Variants in WWC2 observed in about 807,000 individuals in gnomAD.
WWC2 encodes the protein WW and C2 domain containing 2.
A neutral mutation model predicts 138.5 loss-of-function variants in WWC2; 101 were observed. The ratio of observed to expected loss-of-function variants is 0.73; its 90% confidence interval spans 0.62 to 0.86. The LOEUF is 0.86. Among genes scored for constraint, WWC2 ranks in the 40% least tolerant of loss-of-function variants. WWC2 has a pLI of 0.00. For synonymous variants in WWC2, 558 were observed against 538.4 expected (o/e 1.04, Z -0.50); for missense variants, 1,420 against 1,419.4 (o/e 1.00, Z -0.01).
chr4:183,229,665 A>T (rs973989775), intron 4 of WWC2, among the ~76,000 whole-genome samples: 14 of 152,000 alleles, frequency 9.2e-5, no homozygotes, highest in African/African-American at 3.4e-4. Context: ...TAATTATGAG[A>T]GAGTATCAGG....
At chr4:183,142,820 T>C (rs1733341014) in intron 1 of WWC2, among the ~76,000 whole-genome samples, 1 of 152,210 alleles carries the variant, frequency 6.6e-6, no homozygotes, top group Admixed American at 6.5e-5. Flanking sequence ...CATTAGGGTG[T>C]GGGCTGGGTG....
At chr4:183,233,127 ATTTTTTTTTTCTTTTTAAACCTT>A (rs1260812795) in intron 4 of WWC2, among the ~76,000 whole-genome samples, 1 of 40,054 alleles carries the variant, frequency 2.5e-5, no homozygotes, top group African/African-American at 8.4e-5. Context: ...TTTACTGTGT[ATTTTTTTTTTCTTTTTAAACCTT>A]TTTTTTTTTT....
At chr4:183,271,390 A>G (rs984435608) in intron 16 of WWC2, 149 bp downstream of exon 16, 11 of 633,128 alleles carry the variant, frequency 1.7e-5, no homozygotes, top group African/African-American at 9.6e-5. Flanking sequence ...CACAACTTTG[A>G]TTTTCCCAGC....
intron 20 of WWC2, among the ~76,000 whole-genome samples, chr4:183,288,468 C>G (rs1331261329): frequency 6.6e-6 from 1 of 152,202 alleles, no homozygotes; most frequent in Non-Finnish European, 1.5e-5. Context: ...TCTCACCTCT[C>G]ACCCAGCCTT....
Position 183,099,545 on chromosome 4 carries a change from G to C in WWC2, c.54G>C (p.Glu18Asp). 1.4e-6 allele frequency: 2 copies of C among 1,421,102 alleles called. No individual in the cohort carries two copies. Among genetic ancestry groups the C allele is most frequent in the Non-Finnish European group, 1.9e-6 (2 of 1,071,366 alleles). 88.0% of individuals were successfully genotyped at this position (1,421,102 alleles called of 1,614,324 possible). Residue 18 changes from glutamate (E) to aspartate (D), a missense_variant, in exon 1 of 23, where the codon GAG (glutamate) becomes GAC (aspartate). By Grantham distance (45) the Glu-to-Asp change is conservative. Coordinates refer to ENST00000403733, the MANE Select transcript of WWC2 (RefSeq NM_024949.6). ...GQLPLPRGWE[E>D]ARDYDGKVFY... ...TGCCGCTGCCCCGGGGCTGGGAGGA[G>C]GCCAGGGACTACGACGGCAAGGTCT... is the stretch of plus-strand genomic sequence containing the variant.
At chr4:183,100,588 C>T (rs1393006106) in intron 1 of WWC2, among the ~76,000 whole-genome samples, 2 of 152,144 alleles carry the variant, frequency 1.3e-5, no homozygotes, top group Non-Finnish European at 1.5e-5. Context: ...AAAATTATAA[C>T]TTTATTGAAT....
intron 2 of WWC2, among the ~76,000 whole-genome samples, chr4:183,205,866 T>C (rs1735432508): frequency 6.6e-6 from 1 of 152,186 alleles, no homozygotes; most frequent in Admixed American, 6.5e-5. Context: ...TATCTGCCTA[T>C]AGCGTCCCAG....
At position 183,259,613 on chromosome 4, in the gene WWC2, T is replaced by G. The variant is rs369871830; in HGVS notation, c.1197-26T>G. 8 of 1,440,884 alleles carry G rather than the reference T, an allele frequency of 5.6e-6. No homozygotes were observed. In the African/African-American group the frequency reaches 1.2e-4, roughly 21 times the overall value. 89.3% of individuals were successfully genotyped at this position (1,440,884 alleles called of 1,614,324 possible). On this transcript the variant is annotated intron_variant, in intron 9 of 22. Coordinates refer to ENST00000403733, the MANE Select transcript of WWC2 (RefSeq NM_024949.6). Reference sequence around the variant, plus strand: ...AGTTTTCATATTTTGTTATAATCATTTGAAAATAATTTTTTTTCTTCCTAG... The same window carrying G: ...AGTTTTCATATTTTGTTATAATCATGTGAAAATAATTTTTTTTCTTCCTAG...
At position 183,269,040 on chromosome 4, in the gene WWC2, G is replaced by A. The variant is rs576233774; in HGVS notation, c.2277G>A (p.Pro759=). Reference sequence around the variant, plus strand: ...GTCTGTTTCGCACAAAAGTTCATCCGCCCACAGAATCCATTTTATTCAATG... The same window carrying A: ...GTCTGTTTCGCACAAAAGTTCATCCACCCACAGAATCCATTTTATTCAATG... ...VSCLFRTKVH[P]PTESILFNDV... is the part of the protein sequence containing the mutation. The change falls in exon 15 of 23, where the codon CCG becomes CCA. Residue 759 remains proline, a synonymous_variant. Transcript: ENST00000403733. 224 of 1,613,756 alleles carry A rather than the reference G, an allele frequency of 1.4e-4. No homozygotes were observed. Among genetic ancestry groups the A allele is most frequent in the Middle Eastern group, 9.9e-4 (6 of 6,062 alleles).
rs1339608317 is a variant in WWC2 at position 183,208,127 on chromosome 4, A to G, written c.416A>G (p.Tyr139Cys). The G allele has an allele frequency of 6.2e-6, 10 of 1,613,738 alleles. No homozygotes were observed. Among genetic ancestry groups the G allele is most frequent in the South Asian group, 2.2e-5 (2 of 91,064 alleles). The part of the protein sequence containing the change: ...LDEYVRLNDA[Y>C]KEKSSSHTSL... Reference sequence around the variant, plus strand: ...GAATACGTGCGATTAAATGATGCCTATAAGGAAAAGTCAAGTTCTCACACA... The same window carrying G: ...GAATACGTGCGATTAAATGATGCCTGTAAGGAAAAGTCAAGTTCTCACACA... Residue 139 changes from tyrosine to cysteine, a missense_variant, in exon 3 of 23, where the codon TAT (tyrosine) becomes TGT (cysteine). Transcript: ENST00000403733.
At chr4:183,210,320 A>T (rs1275376873) in intron 4 of WWC2, among the ~76,000 whole-genome samples, 1 of 152,154 alleles carries the variant, frequency 6.6e-6, no homozygotes, top group African/African-American at 2.4e-5. Context: ...GGTGTGGTTC[A>T]AAGGATAAAA....
At chr4:183,233,362 G>A (rs1051554393) in intron 4 of WWC2, among the ~76,000 whole-genome samples, 1 of 151,566 alleles carries the variant, frequency 6.6e-6, no homozygotes, top group Non-Finnish European at 1.5e-5. Context: ...TCACCATGTT[G>A]GCCAGGCTGG....
At chr4:183,243,263 A>G (rs1000216995) in intron 5 of WWC2, among the ~76,000 whole-genome samples, 2 of 152,218 alleles carry the variant, frequency 1.3e-5, no homozygotes, top group African/African-American at 4.8e-5. Flanking sequence ...TTACACAAAC[A>G]GGAAGAAATT....
intron 4 of WWC2, among the ~76,000 whole-genome samples, chr4:183,235,737 A>G (rs951730): frequency 0.025 from 3,768 of 152,314 alleles, 156 homozygotes; most frequent in African/African-American, 0.086. Flanking sequence ...GCATCTGTCA[A>G]TGGACATTTA....
In WWC2 at chr4:183,296,485, T is replaced by C. The variant is rs369663722; in HGVS notation, c.3384+6850T>C. ...CAGTTAGAAACTGTCTGAAAAAGAG[T>C]GACACTTTAGAACTCTCCTTTGTAA... On this transcript the variant is annotated intron_variant, in intron 21 of 22. Transcript: ENST00000403733. Among the ~76,000 whole-genome samples, 172 of 152,132 alleles carry C rather than the reference T, an allele frequency of 1.1e-3. 2 individuals carry two copies. In the South Asian group the frequency reaches 0.016, roughly 14 times the overall value.
intron 1 of WWC2, among the ~76,000 whole-genome samples, chr4:183,120,196 A>G (rs1358901760): frequency 1.3e-5 from 2 of 152,256 alleles, no homozygotes; most frequent in Non-Finnish European, 1.5e-5. Flanking sequence ...TTGGAAAACC[A>G]GTTATTTAAA....
At chr4:183,182,223 T>C (rs1479937232) in intron 1 of WWC2, among the ~76,000 whole-genome samples, 1 of 152,176 alleles carries the variant, frequency 6.6e-6, no homozygotes, top group East Asian at 1.9e-4. Flanking sequence ...GTTGTGGCCC[T>C]TCAGAAAGGT....
intron 4 of WWC2, among the ~76,000 whole-genome samples, chr4:183,220,785 C>T (rs1029898470): frequency 6.7e-6 from 1 of 150,200 alleles, no homozygotes; most frequent in African/African-American, 2.5e-5. Flanking sequence ...AGTGAGCCAA[C>T]ATCGTGCCAC....
Position 183,261,030 on chromosome 4 carries a change from C to G in WWC2, c.1407C>G (p.Leu469=). ...GSLNSLSSTE[L]YYSSQSDQID... ...TCAACTCCCTCAGTTCCACCGAACT[C>G]TATTACAGCAGTCAAAGTGATCAGA... Residue 469 remains leucine, a synonymous_variant, in exon 11 of 23, where the codon CTC becomes CTG. Coordinates refer to ENST00000403733, the MANE Select transcript of WWC2 (RefSeq NM_024949.6). 6.2e-7 allele frequency: 1 copy of G among 1,614,036 alleles called. No homozygotes were observed. The highest frequency in any genetic ancestry group is 8.5e-7 in the Non-Finnish European group (1 of 1,179,896).
Sources: allele counts gnomAD v4.1 joint callset (sites outside exome capture counted in the v4.1 genomes callset), GRCh38; gene constraint gnomAD v4.1.1; transcripts MANE v1.5; gene names NCBI Gene and HGNC (gene_info 2026-07-23, HGNC 2026-07-21).